The following RTN4IP1 variants were observed in gnomAD, a reference collection of about 807,000 sequenced individuals.
RTN4IP1 encodes reticulon 4 interacting protein 1.
In RTN4IP1, 32 loss-of-function variants were observed where a neutral mutation model predicts 46.6. The observed-to-expected ratio is 0.69, with a 90% confidence interval of 0.52 to 0.92. The LOEUF (loss-of-function observed/expected upper bound fraction) is 0.92, where lower values mean the gene tolerates loss of function less well. Among genes scored for constraint, RTN4IP1 ranks in the 40% least tolerant of loss-of-function variants. The pLI, the probability that RTN4IP1 is intolerant of heterozygous loss-of-function variation, is 0.00. For synonymous variants in RTN4IP1, 167 were observed against 161.8 expected (o/e 1.03, Z -0.24); for missense variants, 424 against 485.8 (o/e 0.87, Z 1.20).
intron 6 of RTN4IP1, among the ~76,000 whole-genome samples, chr6:106,588,370 A>G (rs1451934336): frequency 6.6e-6 from 1 of 152,250 alleles, no homozygotes; most frequent in African/African-American, 2.4e-5. Context: ...ATTTTCACCT[A>G]CAAGAATGAT....
chr6:106,589,275 A>AAGG (rs1554195490), intron 6 of RTN4IP1, among the ~76,000 whole-genome samples: 2 of 6,404 alleles, frequency 3.1e-4, no homozygotes, highest in Non-Finnish European at 1.8e-3. Context: ...GGAGAAGAAG[A>AAGG]AGGAGAAGAA....
intron 8 of RTN4IP1, among the ~76,000 whole-genome samples, chr6:106,573,986 T>C (rs1292072515): frequency 6.6e-6 from 1 of 152,204 alleles, no homozygotes; most frequent in Non-Finnish European, 1.5e-5. Context: ...CCCCACAAGC[T>C]GAGCATGACC....
rs752214513 is a variant in RTN4IP1, at chr6:106,583,323, C to A, written c.1083+5G>T. The A allele has an allele frequency of 1.9e-6, 3 of 1,611,468 alleles. No individual in the cohort carries two copies. The highest frequency in any genetic ancestry group is 1.7e-5 in the Admixed American group (1 of 59,942). On this transcript the variant is annotated splice_donor_5th_base_variant and intron_variant, in intron 8 of 8. Coordinates refer to ENST00000369063, the MANE Select transcript of RTN4IP1 (RefSeq NM_032730.5). ...CTTCCAATCCAGGTTTCCAGGTGCA[C>A]GTACCTTTCCCGCATCCACCAGTTC...
chr6:106,579,205 C>CA (rs1775299970), intron 8 of RTN4IP1, among the ~76,000 whole-genome samples: 1 of 149,532 alleles, frequency 6.7e-6, no homozygotes, highest in East Asian at 2.0e-4. Flanking sequence ...CACTGCACTC[C>CA]AGCATGGTGA....
At chr6:106,573,695 T>C (rs892976447) in intron 8 of RTN4IP1, among the ~76,000 whole-genome samples, 2 of 152,218 alleles carry the variant, frequency 1.3e-5, no homozygotes, top group Non-Finnish European at 2.9e-5. Flanking sequence ...TTCTGATAAA[T>C]AGCAAGTCAG....
In RTN4IP1 at chr6:106,592,183, G is replaced by T. The variant is rs774152334; in HGVS notation, c.787C>A (p.Gln263Lys). ...ACATACGGTTTTAAGGATTTCAACT[G>T]CTCTTCCACACTTCCAGATTTGTAA... The part of the protein sequence containing the change: ...IDYKSGSVEE[Q>K]LKSLKPFDFI... Residue 263 changes from glutamine to lysine, a missense_variant, in exon 6 of 9, where the codon CAG (glutamine) becomes AAG (lysine). Transcript: ENST00000369063. The T allele has an allele frequency of 6.2e-7, 1 of 1,613,914 alleles. No homozygotes were observed. Among genetic ancestry groups the T allele is most frequent in the Non-Finnish European group, 8.5e-7 (1 of 1,179,954 alleles).
intron 5 of RTN4IP1, among the ~76,000 whole-genome samples, chr6:106,598,020 T>C (rs2114649564): frequency 6.6e-6 from 1 of 152,350 alleles, no homozygotes; most frequent in Admixed American, 6.5e-5. Context: ...ACAAAGGGCA[T>C]GAACTCATCA....
At chr6:106,606,923 CAA>C (rs1392483906) in intron 4 of RTN4IP1, among the ~76,000 whole-genome samples, 3 of 152,016 alleles carry the variant, frequency 2.0e-5, no homozygotes, top group African/African-American at 7.2e-5. Flanking sequence ...CATGGAACCA[CAA>C]AAGACCTTGA....
rs1469638016 is a variant in RTN4IP1 at position 106,608,795 on chromosome 6, A to G, written c.621-5873T>C. 2.0e-5 allele frequency among the ~76,000 whole-genome samples: 3 copies of G among 152,236 alleles called. No individual in the cohort carries two copies. The East Asian group carries it at 5.8e-4, about 29-fold the overall frequency. The stretch of plus-strand genomic sequence containing the variant: ...TTCCTAAATGAGGGAAAAAAGTATG[A>G]AAAGTGCTTCAAAAATACATTCAAA... On this transcript the variant is annotated intron_variant, in intron 4 of 8. Coordinates refer to ENST00000369063, the MANE Select transcript of RTN4IP1 (RefSeq NM_032730.5).
intron 6 of RTN4IP1, 31 bp downstream of exon 6, chr6:106,592,133 C>T (rs779106401): frequency 1.2e-6 from 2 of 1,607,240 alleles, no homozygotes; most frequent in Non-Finnish European, 1.7e-6. Flanking sequence ...CTTGTTCCCA[C>T]TCCCAGTGTG....
intron 4 of RTN4IP1, 74 bp downstream of exon 4, chr6:106,619,128 G>C: frequency 6.5e-7 from 1 of 1,532,658 alleles, no homozygotes; most frequent in East Asian, 2.3e-5. Flanking sequence ...TCAAAGCTCT[G>C]ACAAATCTAC....
intron 4 of RTN4IP1, 82 bp downstream of exon 4, chr6:106,619,119 CA>C: frequency 6.8e-7 from 1 of 1,480,646 alleles, no homozygotes; most frequent in Non-Finnish European, 9.3e-7. Flanking sequence ...TACTAAATTT[CA>C]AAGCTCTGAC....
rs998191611 is a variant in RTN4IP1 at position 106,629,491 on chromosome 6, G to A, written c.-470C>T. On this transcript the variant is annotated 5_prime_UTR_variant, in exon 1 of 9. Transcript: ENST00000369063. The stretch of plus-strand genomic sequence containing the variant: ...GCCCGCTCTCCTTAGCCGCCGGGAT[G>A]GCTTTGCGGCGCCAACCAATCGCCT... 1.7e-5 allele frequency: 13 copies of A among 750,366 alleles called. No individual in the cohort carries two copies. Among genetic ancestry groups the A allele is most frequent in the Non-Finnish European group, 2.5e-5 (12 of 477,196 alleles). 46.5% of individuals were successfully genotyped at this position (750,366 alleles called of 1,614,324 possible).
chr6:106,598,562 A>G (rs1775862159), intron 5 of RTN4IP1, among the ~76,000 whole-genome samples: 1 of 151,338 alleles, frequency 6.6e-6, no homozygotes. Context: ...TTCCTTGTAA[A>G]TTTGTTTGAG....
chr6:106,611,506 T>C (rs550592953), intron 4 of RTN4IP1, among the ~76,000 whole-genome samples: 1 of 152,376 alleles, frequency 6.6e-6, no homozygotes, highest in African/African-American at 2.4e-5. Flanking sequence ...ATAAGGATTA[T>C]GCTGAAAATG....
intron 6 of RTN4IP1, among the ~76,000 whole-genome samples, chr6:106,590,714 CAAAAAAAAAAA>C (rs35293436): frequency 5.8e-5 from 4 of 68,522 alleles, no homozygotes; most frequent in Non-Finnish European, 1.0e-4. Flanking sequence ...GAATCCATCT[CAAAAAAAAAAA>C]AAAAAAAAAG....
intron 7 of RTN4IP1, 133 bp from the exon 8 acceptor site, chr6:106,583,553 A>T: frequency 1.5e-6 from 1 of 670,838 alleles, no homozygotes. Flanking sequence ...AAATGTGTGC[A>T]CAGCACCTTG....
rs2114677054 is a variant in RTN4IP1 at position 106,619,313 on chromosome 6, G to T, written c.509C>A (p.Pro170His). The change falls in exon 4 of 9, where the codon CCC (proline) becomes CAC (histidine). Residue 170 changes from proline to histidine, a missense_variant. Pro to His is a moderately conservative substitution (Grantham distance 77, BLOSUM62 -2). Transcript: ENST00000369063. ...VVSGNEVSHK[P>H]KSLTHTQAAS... ...AGCTTGAGTATGAGTGAGTGATTTG[G>T]GTTTGTGAGAGACCTACATTTGAAG... The T allele has an allele frequency of 6.2e-7, 1 of 1,614,064 alleles. No individual in the cohort carries two copies.
At chr6:106,627,814 G>A (rs1407788839) in intron 1 of RTN4IP1, among the ~76,000 whole-genome samples, 4 of 132,866 alleles carry the variant, frequency 3.0e-5, no homozygotes, top group African/African-American at 5.7e-5. Context: ...GTGCAAGGGC[G>A]CGTTCTTGGC....
Sources: allele counts gnomAD v4.1 joint callset (sites outside exome capture counted in the v4.1 genomes callset), GRCh38; gene constraint gnomAD v4.1.1; transcripts MANE v1.5; gene names NCBI Gene and HGNC (gene_info 2026-07-23, HGNC 2026-07-21).